The following KIF4A variants were observed in gnomAD, a reference collection of about 807,000 sequenced individuals.
KIF4A encodes chromosome-associated kinesin KIF4A.
KIF4A carries 7 observed loss-of-function variants against 105.9 expected under a neutral mutation model. That is an observed-to-expected ratio of 0.07 (90% CI 0.04 to 0.12). The LOEUF (loss-of-function observed/expected upper bound fraction) is 0.12. Among genes scored for constraint, KIF4A ranks in the 10% least tolerant of loss-of-function variants. The pLI is 1.00. For missense variants in KIF4A, 558 were observed against 929.2 expected, an observed-to-expected ratio of 0.60 and a Z score of 5.19; for synonymous variants, 281 against 331.3, an observed-to-expected ratio of 0.85 and a Z score of 1.65.
At chrX:70,418,812 C>T (rs1227377357) in intron 29 of KIF4A, among the ~76,000 whole-genome samples, 17 of 111,997 alleles carry the variant, frequency 1.5e-4, no homozygotes, top group Admixed American at 1.4e-3. Context: ...TGGCCGGGCA[C>T]GGTGGCTCAC....
At chrX:70,339,084 CAAA>C (rs906085372) in intron 10 of KIF4A, among the ~76,000 whole-genome samples, 2 of 47,314 alleles carry the variant, frequency 4.2e-5, no homozygotes, top group Non-Finnish European at 4.0e-5. Context: ...GACTCCATCT[CAAA>C]AAAAAAAAAA....
At chrX:70,397,262 C>G (rs746795097) in intron 22 of KIF4A, among the ~76,000 whole-genome samples, 1 of 110,427 alleles carries the variant, frequency 9.1e-6, no homozygotes, top group African/African-American at 3.3e-5. Context: ...CCCAGCTACT[C>G]GGGAGGCTGA....
intron 9 of KIF4A, among the ~76,000 whole-genome samples, chrX:70,331,804 A>G (rs1474729103): frequency 8.9e-6 from 1 of 112,435 alleles, no homozygotes; most frequent in African/African-American, 3.2e-5. Context: ...GATAATTTAC[A>G]TTTTTAAACA....
At position 70,379,244 on chromosome X, in the gene KIF4A, A is replaced by T. The variant is rs764161136; in HGVS notation, c.2034+3034A>T. ...TAGGAATGAAAGAGGGAATATCACT[A>T]CTAGTCTTGCCGGAAGGAAAGGATT... On this transcript the variant is annotated intron_variant, in intron 18 of 30. Coordinates refer to ENST00000374403, the MANE Select transcript of KIF4A (RefSeq NM_012310.5). Among the ~76,000 whole-genome samples, 26 of 111,684 alleles carry T rather than the reference A, an allele frequency of 2.3e-4. 1 individual carries two copies. Among genetic ancestry groups the T allele is most frequent in the Non-Finnish European group, 4.0e-4 (21 of 53,143 alleles).
intron 28 of KIF4A, among the ~76,000 whole-genome samples, chrX:70,407,314 C>T (rs1271498492): frequency 9.0e-6 from 1 of 111,592 alleles, no homozygotes; most frequent in African/African-American, 3.3e-5. Context: ...ACCATGTTGA[C>T]CAGGCCAGTC....
chrX:70,414,687 A>G (rs2086336178), intron 28 of KIF4A, among the ~76,000 whole-genome samples: 1 of 112,229 alleles, frequency 8.9e-6, no homozygotes, highest in South Asian at 3.7e-4. Context: ...TTGAACAGTT[A>G]TTCTATAAAA....
intron 3 of KIF4A, among the ~76,000 whole-genome samples, chrX:70,291,241 AT>A (rs148940125): frequency 0.016 from 1,827 of 111,758 alleles, 37 homozygotes; most frequent in African/African-American, 0.056. Context: ...ATATATAAAA[AT>A]TTTTAAATTT....
intron 3 of KIF4A, among the ~76,000 whole-genome samples, chrX:70,295,980 A>G (rs777313686): frequency 8.7e-4 from 95 of 109,749 alleles, no homozygotes; most frequent in Middle Eastern, 4.7e-3. Flanking sequence ...TTAATAATTT[A>G]TATACTTTTG....
At chrX:70,329,302 G>A (rs2297872) in intron 7 of KIF4A, 103 bp from the exon 8 acceptor site, 124,936 of 763,202 alleles carry the variant, frequency 0.16, 8,579 homozygotes, top group Non-Finnish European at 0.18. Flanking sequence ...TTGATGACTC[G>A]ATATTTTTAT....
intron 9 of KIF4A, among the ~76,000 whole-genome samples, chrX:70,331,462 G>T (rs895656486): frequency 4.5e-5 from 5 of 111,068 alleles, no homozygotes; most frequent in African/African-American, 1.6e-4. Flanking sequence ...ACACTATACT[G>T]TAGTATATTA....
intron 15 of KIF4A, among the ~76,000 whole-genome samples, chrX:70,356,468 C>T (rs140048247): frequency 1.8e-3 from 194 of 110,591 alleles, no homozygotes; most frequent in Middle Eastern, 0.014. Context: ...GAGGCCGAGG[C>T]GGGAGAATCG....
chrX:70,297,690 A>G (rs1322961835), intron 4 of KIF4A, among the ~76,000 whole-genome samples: 3 of 111,656 alleles, frequency 2.7e-5, no homozygotes, highest in Non-Finnish European at 3.8e-5. Context: ...AGTGAACAAA[A>G]CAAAAATTCT....
chrX:70,375,383 G>C, intron 17 of KIF4A, 35 bp downstream of exon 17: 1 of 1,181,796 alleles, frequency 8.5e-7, no homozygotes, highest in South Asian at 1.8e-5. Context: ...TACCCCCATT[G>C]GAATTTACAA....
At chrX:70,368,402 G>A in intron 15 of KIF4A, among the ~76,000 whole-genome samples, 1 of 111,948 alleles carries the variant, frequency 8.9e-6, no homozygotes, top group East Asian at 2.8e-4. Flanking sequence ...GGTCTTTGAT[G>A]ATGGTGACCT....
At chrX:70,330,055 A>T (rs1189787480) in intron 8 of KIF4A, 102 bp from the exon 9 acceptor site, 2 of 643,606 alleles carry the variant, frequency 3.1e-6, no homozygotes, top group Non-Finnish European at 4.7e-6. Context: ...ACTTTTTCTT[A>T]TAGCTCTGAA....
chrX:70,290,598 G>C lies in KIF4A; in HGVS notation c.120+20G>C. ...CCTCAGGTGCGTAGCAGAGTCCAGA[G>C]CCTGTGTCTGAACAGCTGGGGCCAA... is the stretch of plus-strand genomic sequence containing the variant. On this transcript the variant is annotated intron_variant, in intron 2 of 30. Transcript: ENST00000374403. The C allele has an allele frequency of 8.3e-7, 1 of 1,210,219 alleles. No homozygotes were observed. Among genetic ancestry groups the C allele is most frequent in the Non-Finnish European group, 1.1e-6 (1 of 894,621 alleles).
chrX:70,360,718 G>A (rs769338571), intron 15 of KIF4A, among the ~76,000 whole-genome samples: 22 of 113,001 alleles, frequency 1.9e-4, no homozygotes, highest in African/African-American at 6.7e-4. Context: ...GGAGCAGCCT[G>A]CCCAGGGATC....
chrX:70,351,919 G>A (rs921138701), intron 13 of KIF4A, among the ~76,000 whole-genome samples: 4 of 110,192 alleles, frequency 3.6e-5, no homozygotes, highest in South Asian at 4.0e-4. Context: ...CACCACGCCC[G>A]GCTAATTTTT....
chrX:70,364,849 C>A (rs1232160836), intron 15 of KIF4A, among the ~76,000 whole-genome samples: 1 of 111,751 alleles, frequency 8.9e-6, no homozygotes, highest in Non-Finnish European at 1.9e-5. Flanking sequence ...GCCATTTTCA[C>A]AATATTGATT....
Sources: allele counts gnomAD v4.1 joint callset (sites outside exome capture counted in the v4.1 genomes callset), GRCh38; gene constraint gnomAD v4.1.1; transcripts MANE v1.5; gene names NCBI Gene and HGNC (gene_info 2026-07-23, HGNC 2026-07-21).